The following ADAMTS18 variants were observed in gnomAD, a reference collection of about 807,000 sequenced individuals.
The protein encoded by ADAMTS18 is ADAM metallopeptidase with thrombospondin type 1 motif 18.
A neutral mutation model predicts 165.9 loss-of-function variants in ADAMTS18; 157 were observed. That is an observed-to-expected ratio of 0.95 (90% CI 0.83 to 1.08). ADAMTS18 has a LOEUF of 1.08. ADAMTS18 is among the 50% of genes least tolerant of loss of function. ADAMTS18 has a pLI of 0.00. For missense variants in ADAMTS18, 2,040 were observed against 1,534.0 expected (o/e 1.33, Z -5.51); for synonymous variants, 782 against 578.2 (o/e 1.35, Z -5.06).
chr16:77,284,098 G>T (rs745581881), intron 22 of ADAMTS18, 27 bp from the exon 23 acceptor site: 3 of 1,448,920 alleles, frequency 2.1e-6, no homozygotes, highest in African/African-American at 2.8e-5. Flanking sequence ...TATTTAGCAT[G>T]TTGGCTAGGG....
At chr16:77,293,627 C>G (rs1244011327) in intron 19 of ADAMTS18, among the ~76,000 whole-genome samples, 1 of 151,746 alleles carries the variant, frequency 6.6e-6, no homozygotes, top group Non-Finnish European at 1.5e-5. Context: ...CCTAACGTAT[C>G]AGTCTCCAAT....
intron 22 of ADAMTS18, among the ~76,000 whole-genome samples, chr16:77,287,351 C>T (rs924594597): frequency 1.3e-5 from 2 of 152,168 alleles, no homozygotes; most frequent in Admixed American, 6.5e-5. Flanking sequence ...CATCCCTATA[C>T]TTGGGATGGG....
At chr16:77,397,065 T>C (rs1048282024) in intron 3 of ADAMTS18, among the ~76,000 whole-genome samples, 1 of 152,126 alleles carries the variant, frequency 6.6e-6, no homozygotes, top group Non-Finnish European at 1.5e-5. Flanking sequence ...TGCCTCAGCC[T>C]CCCAAAGTGC....
At chr16:77,302,630 G>T (rs1567465747) in intron 16 of ADAMTS18, among the ~76,000 whole-genome samples, 1 of 152,078 alleles carries the variant, frequency 6.6e-6, no homozygotes, top group African/African-American at 2.4e-5. Flanking sequence ...AATATTTTCT[G>T]CCATAGGGGA....
At chr16:77,302,833 C>CA (rs1350838939) in intron 16 of ADAMTS18, among the ~76,000 whole-genome samples, 3 of 151,870 alleles carry the variant, frequency 2.0e-5, no homozygotes, top group Admixed American at 6.6e-5. Context: ...GGTTTCACTG[C>CA]AAAACATTTT....
In ADAMTS18 at chr16:77,297,308, C is replaced by T. The variant is rs575004193; in HGVS notation, c.2782G>A (p.Ala928Thr). Residue 928 changes from alanine (A) to threonine (T), a missense_variant, in exon 18 of 23, where the codon GCT (alanine) becomes ACT (threonine). By Grantham distance (58) the Ala-to-Thr change is moderately conservative. Transcript: ENST00000282849. ...ACTTACTAAGCCGGGCAGGAGAAAG[C>T]GTTGCAGATTTTGGGCTCAGTTACT... ...KPVTEPKICN[A>T]FSCPAYWMPG... The T allele has an allele frequency of 3.1e-6, 5 of 1,614,148 alleles. No individual in the cohort carries two copies. The South Asian group carries it at 3.3e-5, about 11-fold the overall frequency.
chr16:77,421,136 G>A (rs1046554248), intron 3 of ADAMTS18, among the ~76,000 whole-genome samples: 1 of 152,176 alleles, frequency 6.6e-6, no homozygotes, highest in African/African-American at 2.4e-5. Context: ...ATAAGGGGCA[G>A]ATAAAATATT....
At chr16:77,401,153 T>A (rs1165026568) in intron 3 of ADAMTS18, among the ~76,000 whole-genome samples, 3 of 150,672 alleles carry the variant, frequency 2.0e-5, no homozygotes, top group African/African-American at 7.3e-5. Context: ...TACTCAGGAG[T>A]CTGAGGCAGG....
intron 21 of ADAMTS18, chr16:77,291,000 T>A: frequency 1.9e-6 from 1 of 517,820 alleles, no homozygotes; most frequent in Non-Finnish European, 3.5e-6. Context: ...ATAACTGGCC[T>A]GGTGGTAAGT....
At chr16:77,286,503 AAC>A (rs1203018610) in intron 22 of ADAMTS18, among the ~76,000 whole-genome samples, 3 of 152,130 alleles carry the variant, frequency 2.0e-5, no homozygotes, top group African/African-American at 7.2e-5. Flanking sequence ...TAATACTCAA[AAC>A]AGTCTTTCGA....
At chr16:77,371,875 T>C (rs1156477673) in intron 3 of ADAMTS18, among the ~76,000 whole-genome samples, 2 of 152,136 alleles carry the variant, frequency 1.3e-5, no homozygotes, top group Non-Finnish European at 1.5e-5. Context: ...ATGTACCCGA[T>C]AAGAGTTAAT....
At chr16:77,418,706 C>G (rs892065976) in intron 3 of ADAMTS18, among the ~76,000 whole-genome samples, 6 of 152,164 alleles carry the variant, frequency 3.9e-5, no homozygotes, top group African/African-American at 1.4e-4. Flanking sequence ...TACTGTCTTA[C>G]AAGTCATTGA....
chr16:77,335,774 C>G lies in ADAMTS18; in HGVS notation c.1841G>C (p.Arg614Thr). Residue 614 changes from arginine (R) to threonine (T), a missense_variant, in exon 12 of 23, where the codon AGA becomes ACA. By Grantham distance (71) the Arg-to-Thr change is moderately conservative (BLOSUM62 -1). Transcript: ENST00000282849. ...TCGGGVKFQERHCNNPKPQYG... is the reference protein window; with the variant it reads ...TCGGGVKFQETHCNNPKPQYG... ...GGCTTACTTGGGGTTATTGCAGTGTCTCTCCTGGAACTTGACTCCTCCACC... is the reference window on the plus strand; with the variant it reads ...GGCTTACTTGGGGTTATTGCAGTGTGTCTCCTGGAACTTGACTCCTCCACC... The G allele has an allele frequency of 1.9e-6, 3 of 1,614,206 alleles. No individual in the cohort carries two copies. The highest frequency in any genetic ancestry group is 2.5e-6 in the Non-Finnish European group (3 of 1,180,036).
At chr16:77,288,695 C>CATTAAA (rs2055303453) in intron 22 of ADAMTS18, among the ~76,000 whole-genome samples, 1 of 152,144 alleles carries the variant, frequency 6.6e-6, no homozygotes, top group Admixed American at 6.5e-5. Context: ...TTGTCTCCTC[C>CATTAAA]ATTAAAATAT....
Position 77,337,207 on chromosome 16 carries a change from G to A in ADAMTS18, c.1711-1303C>T, listed in dbSNP as rs115345457. ...CACTATTGAGAAGTTTTTGGGGAAG[G>A]CTATCGGTCATTTGAGGATTTTGCC... On this transcript the variant is annotated intron_variant, in intron 11 of 22. Transcript: ENST00000282849. Among the ~76,000 whole-genome samples the A allele has an allele frequency of 1.3e-3, 193 of 152,250 alleles. 1 individual carries two copies. The highest frequency in any genetic ancestry group is 4.2e-3 in the African/African-American group (176 of 41,542).
At chr16:77,357,823 T>A (rs1335150073) in intron 8 of ADAMTS18, among the ~76,000 whole-genome samples, 1 of 152,216 alleles carries the variant, frequency 6.6e-6, no homozygotes, top group East Asian at 1.9e-4. Flanking sequence ...AGAACTTAGG[T>A]ATGTATTTTA....
rs116952610 is a variant in ADAMTS18, at chr16:77,348,811, G to A, written c.1614+4922C>T. Among the ~76,000 whole-genome samples the A allele has an allele frequency of 8.8e-3, 1,341 of 152,290 alleles. 9 individuals are homozygous for A. Among genetic ancestry groups the A allele is most frequent in the Middle Eastern group, 0.017 (5 of 294 alleles). ...ACATAAGCTGGAATTGGAGCCCAGA[G>A]AAATAAATGTTTAAATCTCCCTGAG... is the stretch of plus-strand genomic sequence containing the variant. On this transcript the variant is annotated intron_variant, in intron 10 of 22. Transcript: ENST00000282849.
intron 3 of ADAMTS18, among the ~76,000 whole-genome samples, chr16:77,415,723 G>T (rs944780816): frequency 1.8e-4 from 5 of 28,294 alleles, no homozygotes; most frequent in African/African-American, 5.2e-4. Context: ...ATGCTGGGTA[G>T]GCAAAAAAAA....
chr16:77,309,991 A>C (rs1319406005), intron 16 of ADAMTS18, among the ~76,000 whole-genome samples: 1 of 152,174 alleles, frequency 6.6e-6, no homozygotes, highest in Non-Finnish European at 1.5e-5. Context: ...ACTTTAAACC[A>C]TGTGGTTGTC....
Sources: allele counts gnomAD v4.1 joint callset (sites outside exome capture counted in the v4.1 genomes callset), GRCh38; gene constraint gnomAD v4.1.1; transcripts MANE v1.5; gene names NCBI Gene and HGNC (gene_info 2026-07-23, HGNC 2026-07-21).